The following TRIM59 variants were observed in gnomAD, a reference collection of about 807,000 sequenced individuals.
The protein encoded by TRIM59 is tripartite motif containing 59.
Under a neutral mutation model 32.2 loss-of-function variants are expected in TRIM59, and 14 were observed. That is an observed-to-expected ratio of 0.43 (90% CI 0.29 to 0.68). The LOEUF is 0.68. TRIM59 is among the 30% of genes least tolerant of loss of function. TRIM59 has a pLI of 0.15. For missense variants in TRIM59, 471 were observed against 463.3 expected (o/e 1.02, Z -0.15); for synonymous variants, 163 against 155.1 (o/e 1.05, Z -0.38).
At chr3:160,443,900 A>G (rs1719387214) in intron 2 of TRIM59, among the ~76,000 whole-genome samples, 3 of 152,286 alleles carry the variant, frequency 2.0e-5, no homozygotes, top group African/African-American at 4.8e-5. Context: ...TCGACCTCCC[A>G]AAGTGCTGTG....
rs61758109 is a variant in TRIM59, at chr3:160,437,976, T to C, written c.1208A>G (p.His403Arg). 2.0e-5 allele frequency: 31 copies of C among 1,538,388 alleles called. No homozygotes were observed. The highest frequency in any genetic ancestry group is 2.5e-5 in the Non-Finnish European group (29 of 1,148,878). Residue 403 changes from histidine to arginine, a missense_variant, in exon 3 of 3, where the codon CAT becomes CGT. Transcript: ENST00000309784. ...LKEFVWKIVSH is the reference protein window; with the variant it reads ...LKEFVWKIVSR ...AAACAATTCAGGTTGACATTTTCAA[T>C]GGGAAACTATTTTCCACACAAATTC... is the stretch of plus-strand genomic sequence containing the variant.
chr3:160,437,732 A>G lies in TRIM59; in HGVS notation c.*240T>C, dbSNP rs1198338801. 8.7e-7 allele frequency: 1 copy of G among 1,151,616 alleles called. No individual in the cohort carries two copies. Among genetic ancestry groups the G allele is most frequent in the Non-Finnish European group, 1.1e-6 (1 of 938,456 alleles). 71.3% of individuals were successfully genotyped at this position (1,151,616 alleles called of 1,614,324 possible). On this transcript the variant is annotated 3_prime_UTR_variant, in exon 3 of 3. Coordinates refer to ENST00000309784, the MANE Select transcript of TRIM59 (RefSeq NM_173084.3). ...CATTATGTCAACCATCATAAAGCCA[A>G]TAAAAATGGGATAGTGTATTACTTT...
In TRIM59 at chr3:160,437,220, G is replaced by T; in HGVS notation, c.*752C>A. ...CAATTTTTTTAATTAGCCAGGCATG[G>T]GGGTGTGTGCCTTGTCCCAGCTGCT... On this transcript the variant is annotated 3_prime_UTR_variant, in exon 3 of 3. Coordinates refer to ENST00000309784, the MANE Select transcript of TRIM59 (RefSeq NM_173084.3). 1 of 546,066 alleles carries T rather than the reference G, an allele frequency of 1.8e-6. No homozygotes were observed. Among genetic ancestry groups the T allele is most frequent in the Non-Finnish European group, 2.3e-6 (1 of 428,936 alleles). The allele number at this position is 546,066 out of a possible 1,614,324, so 33.8% of individuals were successfully genotyped here.
At chr3:160,443,669 C>T (rs1350475201) in intron 2 of TRIM59, among the ~76,000 whole-genome samples, 3 of 151,892 alleles carry the variant, frequency 2.0e-5, no homozygotes, top group East Asian at 3.9e-4. Context: ...AACAGAGTCT[C>T]GCTCTGTCGC....
In TRIM59 at chr3:160,437,260, G is replaced by A. The variant is rs748089164; in HGVS notation, c.*712C>T. 6.5e-5 allele frequency: 40 copies of A among 617,294 alleles called. No individual in the cohort carries two copies. Among genetic ancestry groups the A allele is most frequent in the African/African-American group, 1.4e-4 (7 of 49,622 alleles). The allele number at this position is 617,294 out of a possible 1,614,324, so 38.2% of individuals were successfully genotyped here. A position where few individuals can be genotyped will look rare whatever the true frequency, so the allele number is the denominator to read the frequency against. ...TCCCAGCTGCTCCAGAGGCAGAGGCGGGAGGATCGATTGAGCCTGGGTGGT... is the reference window on the plus strand; with the variant it reads ...TCCCAGCTGCTCCAGAGGCAGAGGCAGGAGGATCGATTGAGCCTGGGTGGT... On this transcript the variant is annotated 3_prime_UTR_variant, in exon 3 of 3. Coordinates refer to ENST00000309784, the MANE Select transcript of TRIM59 (RefSeq NM_173084.3).
chr3:160,449,673 C>T, intron 1 of TRIM59, 44 bp downstream of exon 1: 1 of 1,289,710 alleles, frequency 7.8e-7, no homozygotes, highest in Non-Finnish European at 1.0e-6. Context: ...AGAAAAAGGA[C>T]TCAGAACCAC....
chr3:160,437,374 C>G lies in TRIM59; in HGVS notation c.*598G>C, dbSNP rs1719036294. 1 of 983,846 alleles carries G rather than the reference C, an allele frequency of 1.0e-6. No homozygotes were observed. The highest frequency in any genetic ancestry group is 4.7e-5 in the South Asian group (1 of 21,274). The allele number at this position is 983,846 out of a possible 1,614,324, so 60.9% of individuals were successfully genotyped here. A position where few individuals can be genotyped will look rare whatever the true frequency, so the allele number is the denominator to read the frequency against. On this transcript the variant is annotated 3_prime_UTR_variant, in exon 3 of 3. Transcript: ENST00000309784. ...GTCTCAAAAATTTCTTTTAAAAAGC[C>G]ACTTTACTCTAACAGTTATCCAAAA...
rs917248549 is a variant in TRIM59 at position 160,436,384 on chromosome 3, A to C, written c.*1588T>G. The C allele has an allele frequency of 2.0e-6, 2 of 986,042 alleles. No individual in the cohort carries two copies. The highest frequency in any genetic ancestry group is 3.5e-5 in the African/African-American group (2 of 57,250). The allele number at this position is 986,042 out of a possible 1,614,324, so 61.1% of individuals were successfully genotyped here. A position where few individuals can be genotyped will look rare whatever the true frequency, so the allele number is the denominator to read the frequency against. On this transcript the variant is annotated 3_prime_UTR_variant, in exon 3 of 3. Coordinates refer to ENST00000309784, the MANE Select transcript of TRIM59 (RefSeq NM_173084.3). ...ATTTCTGGAAAGCAAATCAACCTGC[A>C]CTTAGAGTTGCATGGACAGTGGGCC...
At position 160,439,122 on chromosome 3, in the gene TRIM59, C is replaced by T. The variant is rs990082989; in HGVS notation, c.62G>A (p.Arg21His). Reference protein sequence around the residue: ...PICYSIFEDPRVLPCSHTFCR... With the variant: ...PICYSIFEDPHVLPCSHTFCR... ...AAATGTATGAGAGCATGGCAGTACA[C>T]GAGGATCTTCAAAAATACTATAACA... Residue 21 changes from arginine to histidine, a missense_variant, in exon 3 of 3, where the codon CGT (arginine) becomes CAT (histidine). Transcript: ENST00000309784. The T allele has an allele frequency of 2.0e-6, 3 of 1,515,068 alleles. No individual in the cohort carries two copies. The highest frequency in any genetic ancestry group is 1.4e-5 in the African/African-American group (1 of 71,666). 93.9% of individuals were successfully genotyped at this position (1,515,068 alleles called of 1,614,324 possible).
In TRIM59 at chr3:160,437,663, G is replaced by T; in HGVS notation, c.*309C>A. On this transcript the variant is annotated 3_prime_UTR_variant, in exon 3 of 3. Coordinates refer to ENST00000309784, the MANE Select transcript of TRIM59 (RefSeq NM_173084.3). ...CAATTAACTGCAGTATATAATAATGGTAAAAGACAATATTGGTACAAGAAT... is the reference window on the plus strand; with the variant it reads ...CAATTAACTGCAGTATATAATAATGTTAAAAGACAATATTGGTACAAGAAT... 1 of 1,023,252 alleles carries T rather than the reference G, an allele frequency of 9.8e-7. No individual in the cohort carries two copies. The highest frequency in any genetic ancestry group is 1.2e-6 in the Non-Finnish European group (1 of 854,868). The allele number at this position is 1,023,252 out of a possible 1,614,324, so 63.4% of individuals were successfully genotyped here.
At chr3:160,446,953 G>C (rs146287250) in intron 2 of TRIM59, among the ~76,000 whole-genome samples, 5 of 129,680 alleles carry the variant, frequency 3.9e-5, no homozygotes, top group Non-Finnish European at 6.4e-5. Context: ...CCACAAGACC[G>C]GTCCCTGGTG....
intron 2 of TRIM59, among the ~76,000 whole-genome samples, chr3:160,439,425 T>C (rs1577013035): frequency 6.6e-6 from 1 of 152,320 alleles, no homozygotes; most frequent in South Asian, 2.1e-4. Flanking sequence ...CAATTATCAT[T>C]AATTTGTAGT....
In TRIM59 at chr3:160,449,733, A is replaced by T; in HGVS notation, c.-90T>A. 7.8e-7 allele frequency: 1 copy of T among 1,289,976 alleles called. No individual in the cohort carries two copies. The highest frequency in any genetic ancestry group is 1.0e-6 in the Non-Finnish European group (1 of 988,966). The allele number at this position is 1,289,976 out of a possible 1,614,324, so 79.9% of individuals were successfully genotyped here. ...TAGACTCACCGCGGGGAGGAAGCGGACCAGGCAACTCCACAGCACGGAAAC... is the reference window on the plus strand; with the variant it reads ...TAGACTCACCGCGGGGAGGAAGCGGTCCAGGCAACTCCACAGCACGGAAAC... On this transcript the variant is annotated 5_prime_UTR_variant, in exon 1 of 3. Transcript: ENST00000309784.
chr3:160,443,593 A>G (rs1438858023), intron 2 of TRIM59, among the ~76,000 whole-genome samples: 1 of 152,218 alleles, frequency 6.6e-6, no homozygotes, highest in Non-Finnish European at 1.5e-5. Context: ...ACAACTGTGA[A>G]AGCCTAGGGA....
Position 160,436,722 on chromosome 3 carries a change from C to T in TRIM59, c.*1250G>A, listed in dbSNP as rs1438467430. 12 of 617,376 alleles carry T rather than the reference C, an allele frequency of 1.9e-5. No homozygotes were observed. Among genetic ancestry groups the T allele is most frequent in the Non-Finnish European group, 2.4e-5 (12 of 502,844 alleles). 38.2% of individuals were successfully genotyped at this position (617,376 alleles called of 1,614,324 possible). ...CTGAGGCAGGAGAATGGTGTGAACC[C>T]GGGAGGCGGGGCTTGCAATGAGCCG... On this transcript the variant is annotated 3_prime_UTR_variant, in exon 3 of 3. Coordinates refer to ENST00000309784, the MANE Select transcript of TRIM59 (RefSeq NM_173084.3).
chr3:160,436,243 T>TA lies in TRIM59; in HGVS notation c.*1728dup. On this transcript the variant is annotated 3_prime_UTR_variant, in exon 3 of 3. Coordinates refer to ENST00000309784, the MANE Select transcript of TRIM59 (RefSeq NM_173084.3). ...ACTAGTTCCCTGAAAAAGCTGTATT[T>TA]ATGATAGTTTATGTGCAATCTGTAG... The TA allele has an allele frequency of 1.0e-6, 1 of 993,624 alleles. No individual in the cohort carries two copies. The highest frequency in any genetic ancestry group is 1.2e-6 in the Non-Finnish European group (1 of 834,970). 61.6% of individuals were successfully genotyped at this position (993,624 alleles called of 1,614,324 possible). A position where few individuals can be genotyped will look rare whatever the true frequency, so the allele number is the denominator to read the frequency against.
In TRIM59 at chr3:160,438,178, T is replaced by C. The variant is rs1560023412; in HGVS notation, c.1006A>G (p.Thr336Ala). 2 of 1,612,392 alleles carry C rather than the reference T, an allele frequency of 1.2e-6. No homozygotes were observed. Among genetic ancestry groups the C allele is most frequent in the Admixed American group, 3.3e-5 (2 of 59,750 alleles). Residue 336 changes from threonine (T) to alanine (A), a missense_variant, in exon 3 of 3, where the codon ACA becomes GCA. Transcript: ENST00000309784. ...FLKILNIVVV[T>A]LISVILMSIL... ...GACATCAGTATTACTGAAATTAATG[T>C]AACTACAACAATGTTTAAAATTTTT...
At chr3:160,439,451 TAA>T (rs1255546726) in intron 2 of TRIM59, among the ~76,000 whole-genome samples, 1 of 152,228 alleles carries the variant, frequency 6.6e-6, no homozygotes, top group Non-Finnish European at 1.5e-5. Flanking sequence ...GCTTCAAATT[TAA>T]GTTATTTAAA....
intron 2 of TRIM59, among the ~76,000 whole-genome samples, chr3:160,439,868 T>A (rs1022311291): frequency 2.0e-5 from 3 of 152,200 alleles, no homozygotes; most frequent in Admixed American, 6.5e-5. Context: ...TCTGTTAAAG[T>A]CTACTTAGTG....
Sources: gnomAD v4.1 joint callset for allele counts (sites outside exome capture counted in the v4.1 genomes callset) on GRCh38, gnomAD v4.1.1 for gene constraint, MANE v1.5 for transcripts, NCBI Gene and HGNC (gene_info 2026-07-23, HGNC 2026-07-21) for gene names.